RGS6: variants seen among roughly 807,000 people sequenced by gnomAD.
RGS6 encodes regulator of G protein signaling 6, also known as regulator of G-protein signaling 6.
Under a neutral mutation model 78.5 loss-of-function variants are expected in RGS6, and 30 were observed. The ratio of observed to expected loss-of-function variants is 0.38; its 90% CI spans 0.29 to 0.52. RGS6 has a LOEUF of 0.52. RGS6 is among the 20% of genes least tolerant of loss of function. The pLI is 0.85. For synonymous variants in RGS6, 206 were observed against 206.0 expected, an observed-to-expected ratio of 1.00 and a Z score of 0.00; for missense variants, 495 against 609.7, an observed-to-expected ratio of 0.81 and a Z score of 1.98.
Position 72,464,813 on chromosome 14 carries a change from A to G in RGS6, c.395-945A>G, listed in dbSNP as rs927696941. ...TCCTTAGCCTGAGTTGAGAGACCTA[A>G]ATTGTCTTCCCTTTCCATAGCCTTT... On this transcript the variant is annotated intron_variant, in intron 6 of 17. Transcript: ENST00000553525. The G allele has an allele frequency of 5.3e-5, 8 of 152,190 alleles. No individual in the cohort carries two copies. In the South Asian group the frequency reaches 1.7e-3, roughly 32 times the overall value. 9.4% of individuals were successfully genotyped at this position (152,190 alleles called of 1,614,324 possible).
At chr14:72,063,722 C>A (rs2094001307) in intron 2 of RGS6, among the ~76,000 whole-genome samples, 1 of 152,114 alleles carries the variant, frequency 6.6e-6, no homozygotes, top group Non-Finnish European at 1.5e-5. Flanking sequence ...GGGTTGGCTG[C>A]TGCATTAGCT....
At chr14:72,196,660 G>A (rs1366624621) in intron 2 of RGS6, among the ~76,000 whole-genome samples, 2 of 152,206 alleles carry the variant, frequency 1.3e-5, no homozygotes, top group African/African-American at 4.8e-5. Flanking sequence ...GTGGTGTTTT[G>A]CAAAAATGCC....
chr14:72,308,224 C>T (rs2067703915), intron 2 of RGS6, among the ~76,000 whole-genome samples: 2 of 152,118 alleles, frequency 1.3e-5, no homozygotes, highest in South Asian at 4.1e-4. Flanking sequence ...ATGTCTTCAT[C>T]TTATTCTTGA....
At chr14:72,585,989 T>TC in the RGS6 span, among the ~76,000 whole-genome samples, 3 of 152,178 alleles carry the variant, frequency 2.0e-5, no homozygotes, top group Admixed American at 6.5e-5. Context: ...AACATAGTAC[T>TC]CTACCATTTA....
At chr14:71,972,334 G>A (rs544817140) in intron 2 of RGS6, among the ~76,000 whole-genome samples, 43 of 118,776 alleles carry the variant, frequency 3.6e-4, no homozygotes, top group Non-Finnish European at 6.7e-4. Context: ...CTAGCCAGGG[G>A]TTTCTGAGTG....
intron 2 of RGS6, among the ~76,000 whole-genome samples, chr14:72,322,131 A>G (rs1200846544): frequency 6.6e-6 from 1 of 152,084 alleles, no homozygotes; most frequent in African/African-American, 2.4e-5. Flanking sequence ...AATAAAGGAA[A>G]TCAGTGCATA....
At chr14:72,134,561 AGGGTTCTCCAGAG>A (rs1469331608) in intron 2 of RGS6, among the ~76,000 whole-genome samples, 4 of 152,250 alleles carry the variant, frequency 2.6e-5, no homozygotes, top group Non-Finnish European at 5.9e-5. Context: ...CATGTGTGTT[AGGGTTCTCCAGAG>A]AAACAGAGCT....
intron 1 of RGS6, among the ~76,000 whole-genome samples, chr14:71,942,398 C>A (rs1486723860): frequency 6.6e-6 from 1 of 152,014 alleles, no homozygotes; most frequent in Non-Finnish European, 1.5e-5. Flanking sequence ...ATTACCAAGG[C>A]AGCAGATAAA....
At chr14:72,381,935 T>A (rs1298465718) in intron 3 of RGS6, among the ~76,000 whole-genome samples, 2 of 152,016 alleles carry the variant, frequency 1.3e-5, no homozygotes, top group African/African-American at 2.4e-5. Flanking sequence ...CTTAGTAGTT[T>A]TAGACTGGTA....
the RGS6 span, among the ~76,000 whole-genome samples, chr14:72,621,021 A>G: frequency 6.6e-6 from 1 of 151,982 alleles, no homozygotes; most frequent in African/African-American, 2.4e-5. Flanking sequence ...TGCACCTGTA[A>G]TCCCAGCTAC....
intron 3 of RGS6, among the ~76,000 whole-genome samples, chr14:72,379,706 A>C (rs937359229): frequency 6.6e-6 from 1 of 152,176 alleles, no homozygotes; most frequent in Non-Finnish European, 1.5e-5. Flanking sequence ...TCTCATGCTC[A>C]TGGATAAGAA....
At position 72,205,966 on chromosome 14, in the gene RGS6, G is replaced by A. The variant is rs147043784; in HGVS notation, c.85-146129G>A. 2.6e-5 allele frequency among the ~76,000 whole-genome samples: 4 copies of A among 152,290 alleles called. No homozygotes were observed. The East Asian group carries it at 7.7e-4, about 29-fold the overall frequency. On this transcript the variant is annotated intron_variant, in intron 2 of 17. Coordinates refer to ENST00000553525, the MANE Select transcript of RGS6 (RefSeq NM_001204424.2). ...GCAAGCAATTTTGTACTATTTATCA[G>A]AATTTAAAATGTATATGCCCTTTGG...
intron 2 of RGS6, among the ~76,000 whole-genome samples, chr14:72,247,739 G>C (rs2153834600): frequency 6.6e-6 from 1 of 152,324 alleles, no homozygotes; most frequent in East Asian, 1.9e-4. Context: ...GAGTGGGTTA[G>C]TTATCGAGAG....
rs12587418 is a variant in RGS6 at position 72,532,047 on chromosome 14, G to A, written c.1279-4139G>A. On this transcript the variant is annotated intron_variant, in intron 15 of 17. Transcript: ENST00000553525. ...TAGATTCCATATACAGGCACATCTC[G>A]TTTTATTGCACTTCCCTGTATTATG... 1.2e-4 allele frequency among the ~76,000 whole-genome samples: 18 copies of A among 152,220 alleles called. No homozygotes were observed. In the East Asian group the frequency reaches 1.5e-3, roughly 13 times the overall value.
chr14:71,877,811 G>C, the RGS6 span, among the ~76,000 whole-genome samples: 2 of 152,230 alleles, frequency 1.3e-5, 1 homozygote, highest in African/African-American at 4.8e-5. Flanking sequence ...CCCTCTTTGT[G>C]GTTTTATCTA....
the RGS6 span, among the ~76,000 whole-genome samples, chr14:71,922,624 A>G: frequency 9.3e-4 from 142 of 152,342 alleles, 2 homozygotes; most frequent in African/African-American, 3.3e-3. Context: ...AGATATTACT[A>G]GTTTTTCTAC....
At chr14:72,289,278 A>T (rs920747357) in intron 2 of RGS6, among the ~76,000 whole-genome samples, 11 of 151,628 alleles carry the variant, frequency 7.3e-5, no homozygotes, top group African/African-American at 2.7e-4. Flanking sequence ...TTTGTCTCCC[A>T]TGTTCTCCCT....
chr14:72,017,195 T>A (rs2153234091), intron 2 of RGS6, among the ~76,000 whole-genome samples: 1 of 152,244 alleles, frequency 6.6e-6, no homozygotes, highest in Middle Eastern at 3.4e-3. Flanking sequence ...CACCACCACA[T>A]CCAGCTGATT....
chr14:72,619,184 T>G, the RGS6 span: 1 of 1,084,630 alleles, frequency 9.2e-7, no homozygotes, highest in Admixed American at 2.4e-5. Context: ...TGGGACTATT[T>G]CTTTTCCTTG....
Sources: gnomAD v4.1 joint callset for allele counts (sites outside exome capture counted in the v4.1 genomes callset) on GRCh38, gnomAD v4.1.1 for gene constraint, MANE v1.5 for transcripts, NCBI Gene and HGNC (gene_info 2026-07-23, HGNC 2026-07-21) for gene names.